TCL1A: variants seen among roughly 807,000 people sequenced by gnomAD.
The protein encoded by TCL1A is TCL1 family AKT coactivator A.
Under a neutral mutation model 16.9 loss-of-function variants are expected in TCL1A, and 9 were observed. The observed-to-expected ratio is 0.53, with a 90% CI of 0.32 to 0.93. TCL1A has a LOEUF of 0.93. Among genes scored for constraint, TCL1A ranks in the 40% least tolerant of loss-of-function variants. TCL1A has a pLI of 0.04. For missense variants in TCL1A, 139 were observed against 153.0 expected, an observed-to-expected ratio of 0.91 and a Z score of 0.48; for synonymous variants, 69 against 63.2, an observed-to-expected ratio of 1.09 and a Z score of -0.44.
At chr14:95,711,133 C>G (rs1162335102) in intron 3 of TCL1A, among the ~76,000 whole-genome samples, 4 of 152,064 alleles carry the variant, frequency 2.6e-5, no homozygotes, top group Non-Finnish European at 4.4e-5. Flanking sequence ...TCTGGCTCAG[C>G]TGATATAATC....
Position 95,714,118 on chromosome 14 carries a change from C to A in TCL1A, c.-52G>T. On this transcript the variant is annotated 5_prime_UTR_variant, in exon 1 of 4. Coordinates refer to ENST00000402399, the MANE Select transcript of TCL1A (RefSeq NM_021966.3). ...AGAGCCAGAGCCTCTCAAGGCCGCT[C>A]GCTGGTCCCTGGGATGTGGGGCCGA... The A allele has an allele frequency of 1.2e-6, 2 of 1,603,154 alleles. No individual in the cohort carries two copies. Among genetic ancestry groups the A allele is most frequent in the South Asian group, 1.1e-5 (1 of 90,524 alleles).
Position 95,712,348 on chromosome 14 carries a change from C to T in TCL1A, c.169G>A (p.Val57Ile), listed in dbSNP as rs895880547. The stretch of plus-strand genomic sequence containing the variant: ...GTGGGGGTCATAGGCCTCCCCAGGA[C>T]GACGTCTTCCCGACGCAAGAGCACC... The part of the protein sequence containing the change: ...LRVLLRREDV[V>I]LGRPMTPTQI... Residue 57 changes from valine (V) to isoleucine (I), a missense_variant, in exon 2 of 4, where the codon GTC becomes ATC. This residue lies in a region of TCL1A where 94 missense variants were observed against 80.2 expected (regional missense o/e 1.17). Coordinates refer to ENST00000402399, the MANE Select transcript of TCL1A (RefSeq NM_021966.3). 8.7e-6 allele frequency: 14 copies of T among 1,613,618 alleles called. No homozygotes were observed. Among genetic ancestry groups the T allele is most frequent in the Middle Eastern group, 1.6e-4 (1 of 6,078 alleles).
chr14:95,711,728 T>A (rs753729360), intron 3 of TCL1A, 21 bp downstream of exon 3: 1 of 1,612,164 alleles, frequency 6.2e-7, no homozygotes, highest in Non-Finnish European at 8.5e-7. Context: ...CTAAGAGGGG[T>A]CAGGCTCCAG....
intron 2 of TCL1A, 28 bp from the exon 3 acceptor site, chr14:95,711,830 T>C (rs1234335108): frequency 1.9e-6 from 3 of 1,605,302 alleles, no homozygotes; most frequent in African/African-American, 1.3e-5. Flanking sequence ...AGAGAAGGCA[T>C]TGATCGGCCA....
rs940879573 is a variant in TCL1A at position 95,713,928 on chromosome 14, G to A, written c.120+19C>T. On this transcript the variant is annotated intron_variant, in intron 1 of 3. Coordinates refer to ENST00000402399, the MANE Select transcript of TCL1A (RefSeq NM_021966.3). ...GGCTGCCCCTGCTGCCTCGCCATCC[G>A]CTCCAAAGCTGGCTGTACCTCGATG... The A allele has an allele frequency of 8.1e-6, 13 of 1,612,106 alleles. No homozygotes were observed. Among genetic ancestry groups the A allele is most frequent in the Non-Finnish European group, 1.1e-5 (13 of 1,179,850 alleles).
chr14:95,712,852 T>C (rs1300813285), intron 1 of TCL1A: 1 of 410,540 alleles, frequency 2.4e-6, no homozygotes, highest in East Asian at 7.4e-5. Context: ...TGAGGCAAAA[T>C]CTGTCCCACA....
At chr14:95,713,100 T>C (rs566271738) in intron 1 of TCL1A, among the ~76,000 whole-genome samples, 1 of 152,384 alleles carries the variant, frequency 6.6e-6, no homozygotes, top group Non-Finnish European at 1.5e-5. Flanking sequence ...GCAGATTTTG[T>C]GGTGGTTAAG....
At position 95,710,294 on chromosome 14, in the gene TCL1A, A is replaced by G. The variant is rs556755593; in HGVS notation, c.*594T>C. The G allele has an allele frequency of 6.5e-6, 1 of 152,830 alleles. No individual in the cohort carries two copies. Among genetic ancestry groups the G allele is most frequent in the East Asian group, 1.9e-4 (1 of 5,194 alleles). 9.5% of individuals were successfully genotyped at this position (152,830 alleles called of 1,614,324 possible). ...AGAGGCTTCTGAGTCCTGAGCACAGATAAGGGCTCCTTTCAGGCCTTTCCT... is the reference window on the plus strand; with the variant it reads ...AGAGGCTTCTGAGTCCTGAGCACAGGTAAGGGCTCCTTTCAGGCCTTTCCT... On this transcript the variant is annotated 3_prime_UTR_variant, in exon 4 of 4. Coordinates refer to ENST00000402399, the MANE Select transcript of TCL1A (RefSeq NM_021966.3).
intron 3 of TCL1A, 124 bp downstream of exon 3, chr14:95,711,625 C>T: frequency 8.7e-7 from 1 of 1,155,614 alleles, no homozygotes; most frequent in South Asian, 1.5e-5. Flanking sequence ...CTCTCCCATC[C>T]CTAGGGACCC....
rs202169011 is a variant in TCL1A at position 95,714,076 on chromosome 14, G to T, written c.-10C>A. 3 of 1,613,150 alleles carry T rather than the reference G, an allele frequency of 1.9e-6. No homozygotes were observed. Among genetic ancestry groups the T allele is most frequent in the South Asian group, 1.1e-5 (1 of 91,054 alleles). On this transcript the variant is annotated 5_prime_UTR_variant, in exon 1 of 4. Coordinates refer to ENST00000402399, the MANE Select transcript of TCL1A (RefSeq NM_021966.3). ...TCGGGCACTCGGCCATGGCGTCCTC[G>T]GGCCGCCTAAGAAGCAAGAGCCAGA...
In TCL1A at chr14:95,713,978, T is replaced by A. The variant is rs371421469; in HGVS notation, c.89A>T (p.Lys30Met). The change falls in exon 1 of 4, where the codon AAG becomes ATG. Residue 30 changes from lysine to methionine, a missense_variant. By Grantham distance (95) the Lys-to-Met change is moderately conservative. Transcript: ENST00000402399. The part of the protein sequence containing the change: ...AWEKFVYLDE[K>M]QHAWLPLTIE... ...GGTTAAGGGCAGCCAGGCGTGCTGC[T>A]TCTCGTCCAAATACACGAACTTCTC... The A allele has an allele frequency of 6.2e-7, 1 of 1,614,104 alleles. No homozygotes were observed. Among genetic ancestry groups the A allele is most frequent in the Non-Finnish European group, 8.5e-7 (1 of 1,180,026 alleles).
intron 2 of TCL1A, chr14:95,712,017 G>C (rs1434262730): frequency 3.5e-6 from 3 of 862,934 alleles, no homozygotes; most frequent in African/African-American, 3.4e-5. Context: ...TGGCTGGGAG[G>C]AAGTGGAGGT....
intron 2 of TCL1A, 153 bp from the exon 3 acceptor site, chr14:95,711,955 C>T: frequency 3.0e-6 from 3 of 1,011,222 alleles, no homozygotes; most frequent in Non-Finnish European, 4.3e-6. Flanking sequence ...CTCCTCCCAC[C>T]AGCCTTCAGC....
intron 1 of TCL1A, among the ~76,000 whole-genome samples, chr14:95,712,993 C>T: frequency 6.6e-6 from 1 of 152,188 alleles, no homozygotes; most frequent in South Asian, 2.1e-4. Flanking sequence ...ACTGAATCTT[C>T]AAATTATTTC....
chr14:95,711,873 C>G (rs570392615), intron 2 of TCL1A, 71 bp from the exon 3 acceptor site: 834 of 1,572,012 alleles, frequency 5.3e-4, no homozygotes, highest in Non-Finnish European at 6.5e-4. Flanking sequence ...CTCACTCCTG[C>G]GCCTTCCCCT....
At position 95,712,389 on chromosome 14, in the gene TCL1A, T is replaced by C. The variant is rs1161123855; in HGVS notation, c.128A>G (p.Asp43Gly). The C allele has an allele frequency of 1.2e-6, 2 of 1,602,786 alleles. No individual in the cohort carries two copies. Among genetic ancestry groups the C allele is most frequent in the Admixed American group, 1.7e-5 (1 of 59,270 alleles). Residue 43 changes from aspartate (D) to glycine (G), a missense_variant, in exon 2 of 4, where the codon GAT becomes GGT. By Grantham distance (94) the Asp-to-Gly change is moderately conservative. Transcript: ENST00000402399. ...AWLPLTIEIK[D>G]RLQLRVLLRR... ...CAAGAGCACCCGTAACTGTAACCTA[T>C]CCTTTATCTGAGGAGAAGAAAAGGA...
In TCL1A at chr14:95,710,712, C is replaced by A. The variant is rs532190592; in HGVS notation, c.*176G>T. 1.3e-5 allele frequency: 2 copies of A among 152,530 alleles called. No individual in the cohort carries two copies. Among genetic ancestry groups the A allele is most frequent in the East Asian group, 3.9e-4 (2 of 5,194 alleles). 9.4% of individuals were successfully genotyped at this position (152,530 alleles called of 1,614,324 possible). ...CGAGCAGAGTGGGCTACAGGCAGGT[C>A]CTGCAGGCCCTGGGTAGAGCTCATC... On this transcript the variant is annotated 3_prime_UTR_variant, in exon 4 of 4. Coordinates refer to ENST00000402399, the MANE Select transcript of TCL1A (RefSeq NM_021966.3).
chr14:95,713,132 T>A (rs2139721970), intron 1 of TCL1A, among the ~76,000 whole-genome samples: 1 of 152,330 alleles, frequency 6.6e-6, no homozygotes, highest in Admixed American at 6.5e-5. Context: ...CCAACCCCAT[T>A]ACCTACTAGC....
intron 1 of TCL1A, among the ~76,000 whole-genome samples, chr14:95,713,612 A>T (rs1886449147): frequency 6.6e-6 from 1 of 152,322 alleles, no homozygotes; most frequent in South Asian, 2.1e-4. Flanking sequence ...TGATTCCGAT[A>T]ATCGGCCATA....
Sources: allele counts gnomAD v4.1 joint callset (sites outside exome capture counted in the v4.1 genomes callset), GRCh38; gene constraint gnomAD v4.1.1; regional missense constraint gnomAD v4.1.1; transcripts MANE v1.5; gene names NCBI Gene and HGNC (gene_info 2026-07-23, HGNC 2026-07-21).